The following SDCCAG8 variants were observed in gnomAD, a reference collection of about 807,000 sequenced individuals.
The protein encoded by SDCCAG8 is serologically defined colon cancer antigen 8.
Under a neutral mutation model 101.8 loss-of-function variants are expected in SDCCAG8, and 74 were observed. That is an observed-to-expected ratio of 0.73 (90% CI 0.60 to 0.88). The LOEUF (loss-of-function observed/expected upper bound fraction) is 0.88. Ranked by LOEUF, SDCCAG8 falls within the 40% of genes least tolerant of loss-of-function variation. The pLI is 0.00. For synonymous variants in SDCCAG8, 281 were observed against 292.9 expected (o/e 0.96, Z 0.41); for missense variants, 787 against 822.6 (o/e 0.96, Z 0.53).
intron 16 of SDCCAG8, among the ~76,000 whole-genome samples, chr1:243,449,745 C>T (rs371589183): frequency 6.6e-6 from 1 of 152,168 alleles, no homozygotes; most frequent in African/African-American, 2.4e-5. Context: ...GCAGGGTTAC[C>T]TCCTGTTAGG....
chr1:243,341,188 T>TCC lies in SDCCAG8; in HGVS notation c.1356+15_1356+16insCC, dbSNP rs1265651187. The TCC allele has an allele frequency of 6.2e-7, 1 of 1,613,508 alleles. No homozygotes were observed. The highest frequency in any genetic ancestry group is 2.2e-5 in the East Asian group (1 of 44,864). On this transcript the variant is annotated intron_variant, in intron 11 of 17. Coordinates refer to ENST00000366541, the MANE Select transcript of SDCCAG8 (RefSeq NM_006642.5). ...ATGTCACAAAGGTACAGAAAGAGAT[T>TCC]TTAGTGTAATCGTTACTTAAGGAAA...
At chr1:243,360,849 C>A (rs1055986763) in intron 12 of SDCCAG8, among the ~76,000 whole-genome samples, 5 of 151,794 alleles carry the variant, frequency 3.3e-5, no homozygotes, top group Admixed American at 6.6e-5. Context: ...AACAAAAAAA[C>A]AAACAAAAAA....
chr1:243,459,920 T>C (rs1658726690), intron 16 of SDCCAG8, among the ~76,000 whole-genome samples: 1 of 152,234 alleles, frequency 6.6e-6, no homozygotes, highest in Non-Finnish European at 1.5e-5. Context: ...CTAATGCTTT[T>C]TTTTATTACC....
chr1:243,318,745 G>A (rs1156771078), intron 9 of SDCCAG8, among the ~76,000 whole-genome samples: 1 of 152,130 alleles, frequency 6.6e-6, no homozygotes, highest in African/African-American at 2.4e-5. Context: ...AAAACCTTCA[G>A]TGAAGGCCCT....
At chr1:243,344,019 G>A (rs904544139) in intron 11 of SDCCAG8, among the ~76,000 whole-genome samples, 196 bp from the exon 12 acceptor site, 1 of 152,174 alleles carries the variant, frequency 6.6e-6, no homozygotes, top group Non-Finnish European at 1.5e-5. Flanking sequence ...ATTTCAAGTT[G>A]TTAGAATCAA....
intron 17 of SDCCAG8, among the ~76,000 whole-genome samples, chr1:243,496,270 C>T (rs992014224): frequency 3.9e-5 from 6 of 152,172 alleles, no homozygotes; most frequent in East Asian, 1.9e-4. Flanking sequence ...CGAGCGGGTG[C>T]GGGCGGAGCC....
At chr1:243,400,520 A>G (rs967927855) in intron 13 of SDCCAG8, among the ~76,000 whole-genome samples, 2 of 152,124 alleles carry the variant, frequency 1.3e-5, no homozygotes, top group African/African-American at 4.8e-5. Context: ...TCATTTAGTC[A>G]TTTCTCTAAA....
intron 16 of SDCCAG8, among the ~76,000 whole-genome samples, chr1:243,430,733 G>A (rs2081688585): frequency 6.6e-6 from 1 of 151,760 alleles, no homozygotes; most frequent in South Asian, 2.1e-4. Context: ...CTACCGCACC[G>A]GGCTGGTCTT....
intron 14 of SDCCAG8, 46 bp from the exon 15 acceptor site, chr1:243,417,922 C>G: frequency 7.1e-7 from 1 of 1,399,920 alleles, no homozygotes; most frequent in Non-Finnish European, 1.0e-6. Context: ...TGCAGAGCGA[C>G]AACCATAAAC....
At chr1:243,392,159 A>G (rs1442729887) in intron 13 of SDCCAG8, among the ~76,000 whole-genome samples, 1 of 152,224 alleles carries the variant, frequency 6.6e-6, no homozygotes, top group Non-Finnish European at 1.5e-5. Flanking sequence ...TGTAAATCTG[A>G]GGCTTATCTA....
intron 13 of SDCCAG8, among the ~76,000 whole-genome samples, chr1:243,390,320 G>T (rs1236091624): frequency 6.6e-6 from 1 of 152,124 alleles, no homozygotes; most frequent in Non-Finnish European, 1.5e-5. Flanking sequence ...TGAAATAGAT[G>T]GCCTTGGTGC....
chr1:243,280,979 CAG>C (rs1413776045), intron 4 of SDCCAG8, among the ~76,000 whole-genome samples: 3 of 152,118 alleles, frequency 2.0e-5, no homozygotes, highest in Non-Finnish European at 4.4e-5. Context: ...TAATTTTTGA[CAG>C]GGGATGTTGA....
At chr1:243,364,024 A>C (rs2076861837) in intron 12 of SDCCAG8, among the ~76,000 whole-genome samples, 1 of 152,220 alleles carries the variant, frequency 6.6e-6, no homozygotes, top group African/African-American at 2.4e-5. Context: ...TTTTACAGAA[A>C]TATTTACATA....
At chr1:243,277,077 G>C (rs1358882792) in intron 4 of SDCCAG8, among the ~76,000 whole-genome samples, 8 of 152,108 alleles carry the variant, frequency 5.3e-5, no homozygotes, top group Non-Finnish European at 1.0e-4. Flanking sequence ...TTGCTTCCAA[G>C]TTTTGGCAAT....
At chr1:243,427,053 T>C (rs549024434) in intron 16 of SDCCAG8, among the ~76,000 whole-genome samples, 37 of 152,338 alleles carry the variant, frequency 2.4e-4, no homozygotes, top group Admixed American at 8.5e-4. Context: ...TCACTTAAGT[T>C]CTCTGAGTGA....
intron 1 of SDCCAG8, among the ~76,000 whole-genome samples, chr1:243,259,573 A>G (rs190751590): frequency 2.6e-5 from 4 of 152,156 alleles, no homozygotes; most frequent in Admixed American, 6.5e-5. Flanking sequence ...TAATCCCAGC[A>G]CTTTGGGAGG....
chr1:243,451,121 A>G (rs564614294), intron 16 of SDCCAG8, among the ~76,000 whole-genome samples: 1 of 152,354 alleles, frequency 6.6e-6, no homozygotes, highest in East Asian at 1.9e-4. Context: ...CTATAGATGG[A>G]TATGTACTGC....
chr1:243,488,619 GGCCCTCA>G (rs1665594102), intron 16 of SDCCAG8, among the ~76,000 whole-genome samples: 1 of 152,082 alleles, frequency 6.6e-6, no homozygotes, highest in Admixed American at 6.5e-5. Flanking sequence ...GTGTTTCCAC[GGCCCTCA>G]CCCACTTCCC....
intron 6 of SDCCAG8, among the ~76,000 whole-genome samples, chr1:243,302,815 T>C (rs955645275): frequency 1.9e-4 from 29 of 152,102 alleles, no homozygotes; most frequent in African/African-American, 6.3e-4. Flanking sequence ...ATGGGTACTC[T>C]ATGGAAAGCA....
Sources: gnomAD v4.1 joint callset for allele counts (sites outside exome capture counted in the v4.1 genomes callset) on GRCh38, gnomAD v4.1.1 for gene constraint, MANE v1.5 for transcripts, NCBI Gene and HGNC (gene_info 2026-07-23, HGNC 2026-07-21) for gene names.